Variants in THRB observed in about 807,000 individuals in gnomAD.
THRB encodes thyroid hormone receptor beta.
A neutral mutation model predicts 47.8 loss-of-function variants in THRB; 12 were observed. The ratio of observed to expected loss-of-function variants is 0.25; its 90% confidence interval spans 0.16 to 0.41. The LOEUF is 0.41. Among genes scored for constraint, THRB ranks in the 10% least tolerant of loss-of-function variants. The probability of loss-of-function intolerance (pLI) is 1.00; values close to 1 mark genes in which losing one functional copy is unlikely to be tolerated. For missense variants in THRB, 348 were observed against 589.2 expected, an observed-to-expected ratio of 0.59 and a Z score of 4.24; for synonymous variants, 218 against 212.2, an observed-to-expected ratio of 1.03 and a Z score of -0.24.
At chr3:24,465,076 C>G (rs963304088) in intron 1 of THRB, among the ~76,000 whole-genome samples, 1 of 151,634 alleles carries the variant, frequency 6.6e-6, no homozygotes. Context: ...TGGTTCAATT[C>G]TCTTCTCATT....
intron 1 of THRB, among the ~76,000 whole-genome samples, chr3:24,342,516 G>A (rs1280468583): frequency 6.6e-6 from 1 of 152,184 alleles, no homozygotes; most frequent in Non-Finnish European, 1.5e-5. Flanking sequence ...CAGAGATACT[G>A]TCTGAGGCAG....
chr3:24,308,267 C>T (rs1302423618), intron 2 of THRB, among the ~76,000 whole-genome samples: 2 of 152,092 alleles, frequency 1.3e-5, no homozygotes, highest in African/African-American at 4.8e-5. Flanking sequence ...ATGATATTAT[C>T]AATAACAATA....
At chr3:24,445,216 G>A (rs561332726) in intron 1 of THRB, among the ~76,000 whole-genome samples, 1 of 151,802 alleles carries the variant, frequency 6.6e-6, no homozygotes, top group African/African-American at 2.4e-5. Context: ...AATGTATGTT[G>A]CTATCTCATA....
chr3:24,251,569 A>C (rs922390129), intron 3 of THRB, among the ~76,000 whole-genome samples: 1 of 152,150 alleles, frequency 6.6e-6, no homozygotes, highest in African/African-American at 2.4e-5. Context: ...TAACTGTGAA[A>C]ATACATTCAA....
At chr3:24,252,576 A>G (rs1576320637) in intron 3 of THRB, among the ~76,000 whole-genome samples, 1 of 151,648 alleles carries the variant, frequency 6.6e-6, no homozygotes, top group Admixed American at 6.6e-5. Flanking sequence ...AAATCTAGAA[A>G]CCACCCACAA....
intron 3 of THRB, among the ~76,000 whole-genome samples, chr3:24,248,807 T>A (rs1576296468): frequency 1.3e-5 from 2 of 152,304 alleles, no homozygotes; most frequent in East Asian, 3.9e-4. Context: ...TCCACAGGAC[T>A]ACTTCCTTGA....
At chr3:24,256,699 G>A (rs2051321592) in intron 3 of THRB, among the ~76,000 whole-genome samples, 2 of 152,124 alleles carry the variant, frequency 1.3e-5, no homozygotes. Flanking sequence ...GATGTAGGTA[G>A]GCTCATGTGT....
intron 3 of THRB, among the ~76,000 whole-genome samples, chr3:24,255,965 T>C (rs2051233894): frequency 6.6e-6 from 1 of 152,188 alleles, no homozygotes; most frequent in South Asian, 2.1e-4. Context: ...GGTGTCAACA[T>C]GGATGCTATT....
Position 24,146,666 on chromosome 3 carries a change from T to G in THRB, c.532+9A>C, listed in dbSNP as rs1010693124. The G allele has an allele frequency of 3.1e-6, 5 of 1,614,070 alleles. No homozygotes were observed. Among genetic ancestry groups the G allele is most frequent in the Non-Finnish European group, 4.2e-6 (5 of 1,179,900 alleles). On this transcript the variant is annotated intron_variant, in intron 7 of 10. Transcript: ENST00000646209. The stretch of plus-strand genomic sequence containing the variant: ...TCCTTGAATATGAAGCAAGTGAAGA[T>G]CTACTTACAATCTGTTGCCATGCCA...
chr3:24,189,600 T>C (rs1417197371), intron 5 of THRB, among the ~76,000 whole-genome samples: 1 of 152,154 alleles, frequency 6.6e-6, no homozygotes, highest in Non-Finnish European at 1.5e-5. Flanking sequence ...ATTTAATGAG[T>C]AGAAGACAAC....
intron 5 of THRB, among the ~76,000 whole-genome samples, chr3:24,180,963 A>G (rs2041820813): frequency 6.6e-6 from 1 of 152,186 alleles, no homozygotes; most frequent in Non-Finnish European, 1.5e-5. Flanking sequence ...CCTTCAGGGG[A>G]ATAAGTTTTT....
chr3:24,272,777 G>A (rs1469845350), intron 3 of THRB, among the ~76,000 whole-genome samples: 1 of 152,084 alleles, frequency 6.6e-6, no homozygotes, highest in Non-Finnish European at 1.5e-5. Flanking sequence ...AATCATTTCA[G>A]ATCCTTAGCA....
chr3:24,335,427 A>G (rs1229025583), intron 2 of THRB, among the ~76,000 whole-genome samples: 1 of 152,244 alleles, frequency 6.6e-6, no homozygotes, highest in East Asian at 1.9e-4. Context: ...TAAACAGCCC[A>G]CATAGCTTTA....
chr3:24,223,894 G>GT (rs148803754), intron 4 of THRB, among the ~76,000 whole-genome samples: 29,327 of 147,926 alleles, frequency 0.2, 2,984 homozygotes, highest in East Asian at 0.38. Context: ...ATGTGTGTGT[G>GT]GGGGGGGTAT....
intron 3 of THRB, among the ~76,000 whole-genome samples, chr3:24,232,412 TAGACTGGGGCCATGAGAG>T (rs1487920958): frequency 6.6e-6 from 1 of 152,096 alleles, no homozygotes. Context: ...CTCTTCAGAG[TAGACTGGGGCCATGAGAG>T]AAGGAAAGGT....
Position 24,218,342 on chromosome 3 carries a change from CTTTT to C in THRB, c.22+10592_22+10595del, listed in dbSNP as rs869304743. Among the ~76,000 whole-genome samples, 674 of 117,228 alleles carry C rather than the reference CTTTT, an allele frequency of 5.7e-3. 6 individuals carry two copies. The highest frequency in any genetic ancestry group is 0.021 in the African/African-American group (573 of 27,580). 76.9% of individuals were successfully genotyped at this position (117,228 alleles called of 152,430 possible). On this transcript the variant is annotated intron_variant, in intron 4 of 10. Coordinates refer to ENST00000646209, the MANE Select transcript of THRB (RefSeq NM_001354712.2). ...ATTTTTTGTCTCTCTCTCTCTCTCT[CTTTT>C]TTTTTTTTTTTTTTTTAAAAAGAAA...
At chr3:24,429,135 T>C (rs1248075172) in intron 1 of THRB, among the ~76,000 whole-genome samples, 1 of 151,610 alleles carries the variant, frequency 6.6e-6, no homozygotes, top group African/African-American at 2.4e-5. Flanking sequence ...TTTTAATACA[T>C]GGTTTATGAG....
intron 1 of THRB, among the ~76,000 whole-genome samples, chr3:24,455,681 A>G (rs2073103947): frequency 2.6e-5 from 4 of 152,154 alleles, no homozygotes. Flanking sequence ...CCTCTATTTC[A>G]GAAAGTTTAA....
intron 2 of THRB, among the ~76,000 whole-genome samples, chr3:24,307,433 T>G (rs1453648658): frequency 6.6e-6 from 1 of 152,144 alleles, no homozygotes; most frequent in East Asian, 1.9e-4. Context: ...CCCTTCTTAT[T>G]TTTTTCCACC....
Sources: allele counts gnomAD v4.1 joint callset (sites outside exome capture counted in the v4.1 genomes callset), GRCh38; gene constraint gnomAD v4.1.1; transcripts MANE v1.5; gene names NCBI Gene and HGNC (gene_info 2026-07-23, HGNC 2026-07-21).